The following CIDEA variants were observed in gnomAD, a reference collection of about 807,000 sequenced individuals.
CIDEA encodes lipid transferase CIDEA.
CIDEA carries 10 observed loss-of-function variants against 18.2 expected under a neutral mutation model. The observed-to-expected ratio is 0.55, with a 90% confidence interval of 0.34 to 0.93. The LOEUF is 0.93. Ranked by LOEUF, CIDEA falls within the 40% of genes least tolerant of loss-of-function variation. The pLI, the probability that CIDEA is intolerant of heterozygous loss-of-function variation, is 0.02. For synonymous variants in CIDEA, 128 were observed against 124.8 expected (o/e 1.03, Z -0.17); for missense variants, 309 against 293.1 (o/e 1.05, Z -0.40).
At chr18:12,270,688 CAAAAAAAAAAA>C (rs68102741) in intron 3 of CIDEA, among the ~76,000 whole-genome samples, 11 of 72,828 alleles carry the variant, frequency 1.5e-4, no homozygotes, top group African/African-American at 7.5e-4. Flanking sequence ...CTCCGTCTCA[CAAAAAAAAAAA>C]AAAAAAAAAA....
intron 1 of CIDEA, among the ~76,000 whole-genome samples, chr18:12,260,299 C>T (rs1359819078): frequency 6.6e-6 from 1 of 152,118 alleles, no homozygotes; most frequent in Non-Finnish European, 1.5e-5. Context: ...CCTCAGCCTC[C>T]CAAGTAGCTA....
rs1911975607 is a variant in CIDEA at position 12,254,804 on chromosome 18, C to G, written c.38+383C>G. 7 of 1,348,780 alleles carry G rather than the reference C, an allele frequency of 5.2e-6. No individual in the cohort carries two copies. In the Admixed American group the frequency reaches 1.3e-4, roughly 25 times the overall value. The allele number at this position is 1,348,780 out of a possible 1,614,324, so 83.6% of individuals were successfully genotyped here. A position where few individuals can be genotyped will look rare whatever the true frequency, so the allele number is the denominator to read the frequency against. On this transcript the variant is annotated intron_variant, in intron 1 of 4. Coordinates refer to ENST00000320477, the MANE Select transcript of CIDEA (RefSeq NM_001279.4). Reference sequence around the variant, plus strand: ...AGGGTCCGGTCCCAGGAACCCCGAGCAAAGCTTCCGCGATGCGAGGGGACC... The same window carrying G: ...AGGGTCCGGTCCCAGGAACCCCGAGGAAAGCTTCCGCGATGCGAGGGGACC...
At chr18:12,269,019 T>C (rs1253136946) in intron 3 of CIDEA, among the ~76,000 whole-genome samples, 4 of 151,794 alleles carry the variant, frequency 2.6e-5, no homozygotes, top group African/African-American at 9.7e-5. Flanking sequence ...GGGGTTTCAC[T>C]ATGTTGGCCA....
chr18:12,272,144 GTGTGT>G (rs1438049910), intron 3 of CIDEA, among the ~76,000 whole-genome samples: 6 of 15,686 alleles, frequency 3.8e-4, no homozygotes, highest in Non-Finnish European at 7.5e-4. Context: ...CTTTGAGTGT[GTGTGT>G]GGGGGGGGGG....
rs1169072397 is a variant in CIDEA at position 12,263,067 on chromosome 18, G to A, written c.183+98G>A. On this transcript the variant is annotated intron_variant, in intron 2 of 4. Transcript: ENST00000320477. The stretch of plus-strand genomic sequence containing the variant: ...CTCTAAGCCAGGGCCAGCACAGAAA[G>A]ATCAAGAAAAGCAGCATCTCACTGG... 30 of 1,330,406 alleles carry A rather than the reference G, an allele frequency of 2.3e-5. No homozygotes were observed. The South Asian group carries it at 3.7e-4, about 17-fold the overall frequency. 82.4% of individuals were successfully genotyped at this position (1,330,406 alleles called of 1,614,324 possible). A position where few individuals can be genotyped will look rare whatever the true frequency, so the allele number is the denominator to read the frequency against.
chr18:12,270,894 C>CTTTTTTTTTTTTTTTTTTTTTTTTTTTT, intron 3 of CIDEA, among the ~76,000 whole-genome samples: 1 of 60,000 alleles, frequency 1.7e-5, no homozygotes, highest in Non-Finnish European at 2.9e-5. Flanking sequence ...TTTTTCTTTT[C>CTTTTTTTTTTTTTTTTTTTTTTTTTTTT]TTTTTTTTTT....
intron 2 of CIDEA, 81 bp downstream of exon 2, chr18:12,263,050 C>T: frequency 1.4e-6 from 2 of 1,453,100 alleles, no homozygotes; most frequent in South Asian, 1.3e-5. Context: ...GGCTCTAAGC[C>T]AGGGCCAGCA....
rs1023153605 is a variant in CIDEA at position 12,271,095 on chromosome 18, C to T, written c.331-2998C>T. ...TGTATTATTAGTAGAGACGGGGTTT[C>T]GCCATGTTGGCCAGGCTGGTCTCAA... is the stretch of plus-strand genomic sequence containing the variant. On this transcript the variant is annotated intron_variant, in intron 3 of 4. Transcript: ENST00000320477. 6.6e-5 allele frequency among the ~76,000 whole-genome samples: 10 copies of T among 152,002 alleles called. No individual in the cohort carries two copies. The East Asian group carries it at 1.8e-3, about 27-fold the overall frequency.
intron 3 of CIDEA, among the ~76,000 whole-genome samples, chr18:12,267,312 G>C (rs1912379437): frequency 6.6e-6 from 1 of 152,232 alleles, no homozygotes; most frequent in South Asian, 2.1e-4. Context: ...ACACACGTGT[G>C]CCCAGCACAT....
rs773174561 is a variant in CIDEA, at chr18:12,254,764, T to C, written c.38+343T>C. The C allele has an allele frequency of 9.3e-6, 13 of 1,391,760 alleles. No homozygotes were observed. The South Asian group carries it at 1.5e-4, about 16-fold the overall frequency. 86.2% of individuals were successfully genotyped at this position (1,391,760 alleles called of 1,614,324 possible). A position where few individuals can be genotyped will look rare whatever the true frequency, so the allele number is the denominator to read the frequency against. Reference sequence around the variant, plus strand: ...CATGCATCTCTGGCCGCTGCTGCAGTCGCGGGCGCAGAAGAGGGTCCGGTC... The same window carrying C: ...CATGCATCTCTGGCCGCTGCTGCAGCCGCGGGCGCAGAAGAGGGTCCGGTC... On this transcript the variant is annotated intron_variant, in intron 1 of 4. Coordinates refer to ENST00000320477, the MANE Select transcript of CIDEA (RefSeq NM_001279.4).
chr18:12,274,036 A>G (rs1912626345), intron 3 of CIDEA, 57 bp from the exon 4 acceptor site: 2 of 1,579,444 alleles, frequency 1.3e-6, no homozygotes, highest in South Asian at 2.2e-5. Flanking sequence ...GAGCAGAGTG[A>G]TGACGTGGGA....
chr18:12,275,573 C>A (rs1408418087), intron 4 of CIDEA, among the ~76,000 whole-genome samples: 1 of 152,204 alleles, frequency 6.6e-6, no homozygotes, highest in Non-Finnish European at 1.5e-5. Context: ...GCCCCCTGCA[C>A]GTCCCTGTGG....
intron 3 of CIDEA, among the ~76,000 whole-genome samples, chr18:12,271,423 G>C (rs1052296271): frequency 6.6e-6 from 1 of 152,340 alleles, no homozygotes; most frequent in South Asian, 2.1e-4. Context: ...GAAAAGCGAG[G>C]GGCCGGGCCT....
Position 12,277,163 on chromosome 18 carries a change from G to A in CIDEA, c.553G>A (p.Gly185Arg). The A allele has an allele frequency of 6.2e-7, 1 of 1,614,162 alleles. No homozygotes were observed. The highest frequency in any genetic ancestry group is 1.3e-5 in the African/African-American group (1 of 75,040). ...RFLSYSAQVT[G>R]QFLIYLGTYM... ...CCTGTCCTACTCCGCCCAGGTGACG[G>A]GACAGTTTCTCATCTATCTGGGCAC... The change falls in exon 5 of 5, where the codon GGA becomes AGA. Residue 185 changes from glycine to arginine, a missense_variant. Coordinates refer to ENST00000320477, the MANE Select transcript of CIDEA (RefSeq NM_001279.4).
intron 1 of CIDEA, among the ~76,000 whole-genome samples, chr18:12,262,064 G>C (rs1363242031): frequency 1.3e-5 from 2 of 152,052 alleles, no homozygotes; most frequent in Non-Finnish European, 2.9e-5. Context: ...CTACTCAGGA[G>C]GCTGAGGCAG....
intron 1 of CIDEA, among the ~76,000 whole-genome samples, chr18:12,261,020 A>G (rs979848047): frequency 6.6e-6 from 1 of 152,206 alleles, no homozygotes; most frequent in African/African-American, 2.4e-5. Context: ...GGCTCTAGGT[A>G]AGACCTGAAC....
intron 3 of CIDEA, among the ~76,000 whole-genome samples, chr18:12,269,759 G>A (rs950141669): frequency 3.3e-5 from 5 of 152,024 alleles, no homozygotes; most frequent in Admixed American, 1.3e-4. Context: ...GTGCAGTGGC[G>A]TTATCTTGGT....
At chr18:12,255,884 A>G (rs910963604) in intron 1 of CIDEA, among the ~76,000 whole-genome samples, 1 of 152,220 alleles carries the variant, frequency 6.6e-6, no homozygotes, top group Non-Finnish European at 1.5e-5. Context: ...CAAATGAAAC[A>G]TTGGGAAACC....
At chr18:12,261,125 G>C (rs1912179006) in intron 1 of CIDEA, among the ~76,000 whole-genome samples, 1 of 152,214 alleles carries the variant, frequency 6.6e-6, no homozygotes, top group South Asian at 2.1e-4. Flanking sequence ...GCTCACGCCT[G>C]AAATCCTAGC....
Sources: allele counts gnomAD v4.1 joint callset (sites outside exome capture counted in the v4.1 genomes callset), GRCh38; gene constraint gnomAD v4.1.1; transcripts MANE v1.5; gene names NCBI Gene and HGNC (gene_info 2026-07-23, HGNC 2026-07-21).